Variants in DNAJC15 observed in about 807,000 individuals in gnomAD.
DNAJC15 encodes the protein dnaJ homolog subfamily C member 15.
In DNAJC15, 27 loss-of-function variants were observed where a neutral mutation model predicts 22.4. The observed-to-expected ratio is 1.20, with a 90% CI of 0.89 to 1.66. The LOEUF (loss-of-function observed/expected upper bound fraction) is 1.66. Among genes scored for constraint, DNAJC15 ranks in the 40% most tolerant of loss-of-function variants. The pLI is 0.00. For synonymous variants in DNAJC15, 79 were observed against 63.2 expected (o/e 1.25, Z -1.19); for missense variants, 208 against 187.1 (o/e 1.11, Z -0.65).
At chr13:43,024,244 G>C (rs2040367926) in intron 1 of DNAJC15, among the ~76,000 whole-genome samples, 1 of 150,256 alleles carries the variant, frequency 6.7e-6, no homozygotes, top group African/African-American at 2.4e-5. Flanking sequence ...TCCAAGTGGT[G>C]TATTCAGGAT....
intron 5 of DNAJC15, among the ~76,000 whole-genome samples, chr13:43,098,333 G>A (rs2040751242): frequency 6.6e-6 from 1 of 152,204 alleles, no homozygotes; most frequent in Non-Finnish European, 1.5e-5. Flanking sequence ...AGCTACAGCA[G>A]TGGAAAAAGT....
At chr13:43,055,140 A>C (rs1483436658) in intron 1 of DNAJC15, among the ~76,000 whole-genome samples, 1 of 151,864 alleles carries the variant, frequency 6.6e-6, no homozygotes. Context: ...CTGCAAGAAG[A>C]TGTCTGGGAA....
intron 5 of DNAJC15, among the ~76,000 whole-genome samples, chr13:43,102,964 A>C (rs866016458): frequency 3.6e-4 from 55 of 152,148 alleles, no homozygotes; most frequent in African/African-American, 1.3e-3. Flanking sequence ...TTAGTTTCTT[A>C]AATATTCTTT....
chr13:43,033,698 G>A (rs1040091862), intron 1 of DNAJC15, among the ~76,000 whole-genome samples: 3 of 152,028 alleles, frequency 2.0e-5, no homozygotes, highest in East Asian at 1.9e-4. Flanking sequence ...TGATTATACT[G>A]GGGTTTTAGG....
chr13:43,105,500 C>A (rs2040792025), intron 5 of DNAJC15, among the ~76,000 whole-genome samples: 2 of 152,088 alleles, frequency 1.3e-5, no homozygotes, highest in African/African-American at 4.8e-5. Flanking sequence ...ATTAAAAGCC[C>A]TCTAACTTAG....
chr13:43,065,645 G>A (rs2040579827), intron 1 of DNAJC15, 41 bp from the exon 2 acceptor site: 13 of 1,502,302 alleles, frequency 8.7e-6, no homozygotes, highest in South Asian at 8.0e-5. Flanking sequence ...TTAAAACCCA[G>A]CATGTTACAT....
Position 43,112,183 on chromosome 13 carries a change from T to C in DNAJC15, c.*4935T>C, listed in dbSNP as rs931764633. On this transcript the variant is annotated 3_prime_UTR_variant, in exon 6 of 6. Transcript: ENST00000379221. ...AGCAAAAGAATTTATAAAAAGCTCT[T>C]TCTTTTGTATTAAAAACCCTGCTCA... 2 of 152,238 alleles carry C rather than the reference T, an allele frequency of 1.3e-5. No homozygotes were observed. Among genetic ancestry groups the C allele is most frequent in the Non-Finnish European group, 2.9e-5 (2 of 68,036 alleles). 9.4% of individuals were successfully genotyped at this position (152,238 alleles called of 1,614,324 possible).
chr13:43,060,671 G>A (rs539058588), intron 1 of DNAJC15, among the ~76,000 whole-genome samples: 4 of 152,276 alleles, frequency 2.6e-5, no homozygotes, highest in African/African-American at 9.6e-5. Context: ...GCCAGCAACT[G>A]TTTGTTGAAG....
intron 5 of DNAJC15, among the ~76,000 whole-genome samples, chr13:43,087,396 A>T (rs892385819): frequency 6.6e-6 from 1 of 152,228 alleles, no homozygotes; most frequent in African/African-American, 2.4e-5. Flanking sequence ...GAGTTGAGAG[A>T]TGATAGCTCA....
At chr13:43,087,388 G>A (rs952201092) in intron 5 of DNAJC15, among the ~76,000 whole-genome samples, 3 of 152,194 alleles carry the variant, frequency 2.0e-5, no homozygotes, top group Admixed American at 1.3e-4. Context: ...CTTTGATGGA[G>A]TTGAGAGATG....
chr13:43,102,377 G>T lies in DNAJC15; in HGVS notation c.383-4801G>T, dbSNP rs531633041. ...TGTGAGATTTTCTCCTACTCTGTGGGTTGTCTGTTTATTCTGCTGATTATT... is the reference window on the plus strand; with the variant it reads ...TGTGAGATTTTCTCCTACTCTGTGGTTTGTCTGTTTATTCTGCTGATTATT... On this transcript the variant is annotated intron_variant, in intron 5 of 5. Transcript: ENST00000379221. Among the ~76,000 whole-genome samples the T allele has an allele frequency of 8.5e-5, 13 of 152,252 alleles. No homozygotes were observed. The South Asian group carries it at 1.0e-3, about 12-fold the overall frequency.
intron 5 of DNAJC15, among the ~76,000 whole-genome samples, chr13:43,088,842 T>A (rs1458111636): frequency 7.0e-6 from 1 of 142,012 alleles, no homozygotes; most frequent in Non-Finnish European, 1.5e-5. Flanking sequence ...TAACTTGGTT[T>A]TTTTTTTTTT....
intron 5 of DNAJC15, among the ~76,000 whole-genome samples, chr13:43,102,618 A>C (rs931493180): frequency 3.9e-5 from 6 of 152,078 alleles, no homozygotes; most frequent in Non-Finnish European, 8.8e-5. Context: ...TCAAAAAATA[A>C]ATTAATAAAT....
chr13:43,035,342 A>G (rs1475651505), intron 1 of DNAJC15, among the ~76,000 whole-genome samples: 1 of 152,226 alleles, frequency 6.6e-6, no homozygotes, highest in Non-Finnish European at 1.5e-5. Flanking sequence ...TCAAGTGAAC[A>G]GTAAAGAACC....
At chr13:43,039,864 C>G (rs1446711528) in intron 1 of DNAJC15, among the ~76,000 whole-genome samples, 1 of 151,986 alleles carries the variant, frequency 6.6e-6, no homozygotes, top group Non-Finnish European at 1.5e-5. Context: ...ACTAAAAATA[C>G]AAAAGTTAGC....
intron 3 of DNAJC15, among the ~76,000 whole-genome samples, chr13:43,078,071 C>T (rs895121608): frequency 1.3e-5 from 2 of 152,172 alleles, no homozygotes; most frequent in African/African-American, 4.8e-5. Flanking sequence ...CAAGGCCATC[C>T]ACAGTCTGGT....
intron 4 of DNAJC15, among the ~76,000 whole-genome samples, chr13:43,080,264 T>TC (rs886332593): frequency 6.6e-6 from 1 of 152,110 alleles, no homozygotes; most frequent in South Asian, 2.1e-4. Flanking sequence ...TGTCTGTTTT[T>TC]CCCCTCTTAC....
chr13:43,044,575 C>T (rs1393526683), intron 1 of DNAJC15, among the ~76,000 whole-genome samples: 1 of 152,082 alleles, frequency 6.6e-6, no homozygotes, highest in Non-Finnish European at 1.5e-5. Flanking sequence ...CTCAAGACAA[C>T]TAAAAGGTCC....
At chr13:43,045,958 G>A (rs1486083021) in intron 1 of DNAJC15, among the ~76,000 whole-genome samples, 1 of 152,102 alleles carries the variant, frequency 6.6e-6, no homozygotes, top group Non-Finnish European at 1.5e-5. Context: ...TATCCCTAGG[G>A]CTTAAAATCA....
Sources: gnomAD v4.1 joint callset for allele counts (sites outside exome capture counted in the v4.1 genomes callset) on GRCh38, gnomAD v4.1.1 for gene constraint, MANE v1.5 for transcripts, NCBI Gene and HGNC (gene_info 2026-07-23, HGNC 2026-07-21) for gene names.